Variants in RALYL observed in about 807,000 individuals in gnomAD.
RALYL encodes RALY RNA binding protein like.
RALYL carries 29 observed loss-of-function variants against 35.1 expected under a neutral mutation model. That is an observed-to-expected ratio of 0.83 (90% CI 0.61 to 1.13). RALYL has a LOEUF of 1.13. Among genes scored for constraint, RALYL ranks in the 50% most tolerant of loss-of-function variants. The probability of loss-of-function intolerance (pLI) is 0.00; values close to 1 mark genes in which losing one functional copy is unlikely to be tolerated. For synonymous variants in RALYL, 120 were observed against 127.6 expected (o/e 0.94, Z 0.40); for missense variants, 359 against 360.4 (o/e 1.00, Z 0.03).
chr8:84,790,420 T>C (rs1820502905), intron 3 of RALYL, among the ~76,000 whole-genome samples: 2 of 152,204 alleles, frequency 1.3e-5, no homozygotes, highest in Admixed American at 1.3e-4. Flanking sequence ...ATCTGAAGCC[T>C]GGAGGGATGA....
At chr8:84,761,145 C>T (rs1812597622) in intron 2 of RALYL, among the ~76,000 whole-genome samples, 1 of 151,910 alleles carries the variant, frequency 6.6e-6, no homozygotes, top group Admixed American at 6.6e-5. Flanking sequence ...TTCCTCAGCA[C>T]CTGTGAGAGG....
At chr8:84,835,122 T>C (rs562693284) in intron 4 of RALYL, among the ~76,000 whole-genome samples, 1 of 152,114 alleles carries the variant, frequency 6.6e-6, no homozygotes, top group South Asian at 2.1e-4. Flanking sequence ...TTCTGATAAA[T>C]TAGATTAAGT....
intron 2 of RALYL, among the ~76,000 whole-genome samples, chr8:84,730,478 A>G (rs1314321804): frequency 1.3e-5 from 2 of 150,386 alleles, no homozygotes; most frequent in South Asian, 2.1e-4. Flanking sequence ...CTGGCACAAG[A>G]CAGGGATGCC....
At chr8:84,750,602 A>G (rs1440781891) in intron 2 of RALYL, among the ~76,000 whole-genome samples, 1 of 152,186 alleles carries the variant, frequency 6.6e-6, no homozygotes, top group Non-Finnish European at 1.5e-5. Flanking sequence ...AGAGGAAATA[A>G]GATTATGAGG....
intron 4 of RALYL, among the ~76,000 whole-genome samples, chr8:84,832,928 T>C (rs1235902812): frequency 2.0e-5 from 3 of 152,186 alleles, no homozygotes; most frequent in South Asian, 4.1e-4. Flanking sequence ...TATTTCTTTG[T>C]TAAATTTAGC....
intron 8 of RALYL, among the ~76,000 whole-genome samples, chr8:84,911,111 A>G (rs2135688864): frequency 6.6e-6 from 1 of 152,200 alleles, no homozygotes; most frequent in East Asian, 1.9e-4. Flanking sequence ...GCAGAATAGG[A>G]AATCTGAGGC....
intron 2 of RALYL, among the ~76,000 whole-genome samples, chr8:84,531,818 C>T (rs985395475): frequency 1.3e-5 from 2 of 151,988 alleles, no homozygotes; most frequent in Non-Finnish European, 2.9e-5. Flanking sequence ...CAGTTGATTG[C>T]TGTCTTTTTG....
chr8:84,646,544 G>C (rs1827537810), intron 2 of RALYL, among the ~76,000 whole-genome samples: 1 of 151,972 alleles, frequency 6.6e-6, no homozygotes, highest in Non-Finnish European at 1.5e-5. Context: ...CAATTTAAGT[G>C]ATTTTTCAAA....
chr8:84,212,402 AT>A (rs1263649434), intron 1 of RALYL, among the ~76,000 whole-genome samples: 2 of 151,866 alleles, frequency 1.3e-5, no homozygotes, highest in Non-Finnish European at 2.9e-5. Flanking sequence ...TGACGCCTTC[AT>A]TTTTTTTCTG....
At chr8:84,841,695 C>G (rs1160370643) in intron 4 of RALYL, among the ~76,000 whole-genome samples, 1 of 152,124 alleles carries the variant, frequency 6.6e-6, no homozygotes, top group Non-Finnish European at 1.5e-5. Context: ...ACCCTTATTC[C>G]AAAATTCACC....
intron 1 of RALYL, among the ~76,000 whole-genome samples, chr8:84,494,570 A>G (rs188737503): frequency 6.6e-6 from 1 of 151,836 alleles, no homozygotes; most frequent in Admixed American, 6.6e-5. Flanking sequence ...GTGTCCTCTT[A>G]TTTCCCTGAG....
intron 1 of RALYL, among the ~76,000 whole-genome samples, chr8:84,482,938 G>A (rs2054204414): frequency 6.6e-6 from 1 of 152,026 alleles, no homozygotes. Context: ...TTGATTTTGT[G>A]CCTAGATTGT....
intron 2 of RALYL, among the ~76,000 whole-genome samples, chr8:84,558,172 GT>G (rs1267832031): frequency 2.4e-4 from 36 of 152,056 alleles, no homozygotes; most frequent in Admixed American, 6.6e-5. Flanking sequence ...CAACACTGGG[GT>G]TAGCAAGAAT....
At chr8:84,374,024 A>G (rs1447548400) in intron 1 of RALYL, among the ~76,000 whole-genome samples, 2 of 151,944 alleles carry the variant, frequency 1.3e-5, no homozygotes, top group African/African-American at 2.4e-5. Flanking sequence ...TTGTTAGTCT[A>G]TAGGAATGCT....
chr8:84,482,066 T>C (rs2054103204), intron 1 of RALYL, among the ~76,000 whole-genome samples: 1 of 152,148 alleles, frequency 6.6e-6, no homozygotes, highest in Non-Finnish European at 1.5e-5. Flanking sequence ...TATCCAAAGC[T>C]GTGAAAGGAA....
At chr8:84,378,423 G>A (rs567628082) in intron 1 of RALYL, among the ~76,000 whole-genome samples, 276 of 151,716 alleles carry the variant, frequency 1.8e-3, no homozygotes, top group African/African-American at 6.4e-3. Context: ...ATGTATTTTA[G>A]GCATATATGA....
chr8:84,257,815 G>T (rs930482465), intron 1 of RALYL, among the ~76,000 whole-genome samples: 1 of 152,080 alleles, frequency 6.6e-6, no homozygotes, highest in Non-Finnish European at 1.5e-5. Context: ...AAAAATGTTT[G>T]CTACAAACAT....
At chr8:84,215,549 TA>T (rs1197860965) in intron 1 of RALYL, among the ~76,000 whole-genome samples, 2 of 149,536 alleles carry the variant, frequency 1.3e-5, no homozygotes, top group African/African-American at 5.0e-5. Context: ...TTTTTTTTTT[TA>T]ATCCCAGGCC....
chr8:84,758,866 A>G lies in RALYL; in HGVS notation c.257-15713A>G, dbSNP rs1051290769. ...ATTAATTTTCTATTGCTGTTGCAAC[A>G]AATTACCACAAGTTTAGTAACTTTA... On this transcript the variant is annotated intron_variant, in intron 2 of 8. Coordinates refer to ENST00000521268, the MANE Select transcript of RALYL (RefSeq NM_173848.7). Among the ~76,000 whole-genome samples, 13 of 152,346 alleles carry G rather than the reference A, an allele frequency of 8.5e-5. No individual in the cohort carries two copies. In the East Asian group the frequency reaches 2.3e-3, roughly 27 times the overall value.
Sources: allele counts gnomAD v4.1 joint callset (sites outside exome capture counted in the v4.1 genomes callset), GRCh38; gene constraint gnomAD v4.1.1; transcripts MANE v1.5; gene names NCBI Gene and HGNC (gene_info 2026-07-23, HGNC 2026-07-21).